The following VRK1 variants were observed in gnomAD, a reference collection of about 807,000 sequenced individuals.
VRK1 encodes serine/threonine-protein kinase VRK1.
A neutral mutation model predicts 57.1 loss-of-function variants in VRK1; 33 were observed. The ratio of observed to expected loss-of-function variants is 0.58; its 90% CI spans 0.44 to 0.77. The LOEUF is 0.77. Ranked by LOEUF, VRK1 falls within the 30% of genes least tolerant of loss-of-function variation. The probability of loss-of-function intolerance (pLI) is 0.00; values close to 1 mark genes in which losing one functional copy is unlikely to be tolerated. For synonymous variants in VRK1, 137 were observed against 147.8 expected (o/e 0.93, Z 0.53); for missense variants, 413 against 477.3 (o/e 0.87, Z 1.25).
Position 96,881,060 on chromosome 14 carries a change from G to A in VRK1, c.1160-117G>A, listed in dbSNP as rs578019548. The stretch of plus-strand genomic sequence containing the variant: ...TGTCAGTTTTATCTTTGCAAATCAC[G>A]AGAGTCGATTTGATTTTAAAATGTT... On this transcript the variant is annotated intron_variant, in intron 12 of 12. Transcript: ENST00000216639. 8 of 901,756 alleles carry A rather than the reference G, an allele frequency of 8.9e-6. 1 individual carries two copies. The highest frequency in any genetic ancestry group is 6.0e-4 in the Middle Eastern group (2 of 3,342). The allele number at this position is 901,756 out of a possible 1,614,324, so 55.9% of individuals were successfully genotyped here.
chr14:96,836,249 C>T (rs535340225), intron 2 of VRK1, among the ~76,000 whole-genome samples: 17 of 152,068 alleles, frequency 1.1e-4, no homozygotes, highest in Non-Finnish European at 2.5e-4. Context: ...ACTGATCTGC[C>T]TGCTTCTGCC....
At chr14:96,860,413 T>C in intron 10 of VRK1, 144 bp from the exon 11 acceptor site, 1 of 748,354 alleles carries the variant, frequency 1.3e-6, no homozygotes, top group Non-Finnish European at 2.1e-6. Flanking sequence ...AAAAGCATAC[T>C]TTTCATTGAA....
intron 11 of VRK1, among the ~76,000 whole-genome samples, chr14:96,872,182 A>T (rs773970589): frequency 3.3e-5 from 5 of 152,012 alleles, no homozygotes; most frequent in Non-Finnish European, 7.4e-5. Flanking sequence ...CTAACTCTCC[A>T]TCTTTTTATT....
At chr14:96,856,496 G>A (rs756538023) in intron 9 of VRK1, 32 bp from the exon 10 acceptor site, 17 of 1,570,130 alleles carry the variant, frequency 1.1e-5, no homozygotes, top group Non-Finnish European at 1.5e-5. Context: ...ATGACATCAA[G>A]CTTCAGTGAC....
rs377476109 is a variant in VRK1, at chr14:96,823,865, A to G, written c.-5-9602A>G. 4.6e-5 allele frequency among the ~76,000 whole-genome samples: 7 copies of G among 152,230 alleles called. No individual in the cohort carries two copies. In the South Asian group the frequency reaches 6.2e-4, roughly 14 times the overall value. ...GTAGTGTGTGTCAGAATTTACTTCT[A>G]TTTTTCAAGGCTGAATAATATTCCA... On this transcript the variant is annotated intron_variant, in intron 1 of 12. Transcript: ENST00000216639.
chr14:96,828,534 A>C (rs1445100823), intron 1 of VRK1, among the ~76,000 whole-genome samples: 1 of 152,146 alleles, frequency 6.6e-6, no homozygotes, highest in Non-Finnish European at 1.5e-5. Flanking sequence ...TAAACTACAG[A>C]CCATTCTTAT....
intron 12 of VRK1, chr14:96,877,422 C>A: frequency 9.0e-7 from 1 of 1,106,716 alleles, no homozygotes; most frequent in Admixed American, 2.3e-5. Context: ...GAAGTAGTCC[C>A]TCTCTTTTTC....
Position 96,846,163 on chromosome 14 carries a change from A to G in VRK1, c.285A>G (p.Gln95=). The part of the protein sequence containing the change: ...KFYQRAAKPE[Q]IQKWIRTRKL... Reference sequence around the variant, plus strand: ...ACCAACGAGCTGCAAAACCAGAGCAAAGTAAGAAATACAGTACACATACGT... The same window carrying G: ...ACCAACGAGCTGCAAAACCAGAGCAGAGTAAGAAATACAGTACACATACGT... The change falls in exon 4 of 13, where the codon CAA becomes CAG. Residue 95 remains glutamine (Q), a splice_region_variant and synonymous_variant. Transcript: ENST00000216639. 6.2e-7 allele frequency: 1 copy of G among 1,613,320 alleles called. No individual in the cohort carries two copies. Among genetic ancestry groups the G allele is most frequent in the Non-Finnish European group, 8.5e-7 (1 of 1,179,460 alleles).
chr14:96,839,084 G>GTTT (rs555020075), intron 3 of VRK1, among the ~76,000 whole-genome samples: 10,262 of 112,186 alleles, frequency 0.091, 596 homozygotes, highest in Non-Finnish European at 0.14. Flanking sequence ...CTTGTCTTGA[G>GTTT]TTTTTTTTTT....
intron 1 of VRK1, among the ~76,000 whole-genome samples, chr14:96,813,165 G>A (rs147331594): frequency 1.9e-4 from 29 of 152,342 alleles, no homozygotes; most frequent in Middle Eastern, 3.4e-3. Flanking sequence ...ATAACTAATG[G>A]TAATACAGTA....
chr14:96,830,635 C>G (rs537023277), intron 1 of VRK1, among the ~76,000 whole-genome samples: 1 of 152,162 alleles, frequency 6.6e-6, no homozygotes, highest in Admixed American at 6.5e-5. Flanking sequence ...ATGTACTTTT[C>G]TAAAGGGATT....
chr14:96,808,397 T>G (rs1247200099), intron 1 of VRK1, among the ~76,000 whole-genome samples: 1 of 152,166 alleles, frequency 6.6e-6, no homozygotes, highest in Non-Finnish European at 1.5e-5. Context: ...CTCCATTGAT[T>G]AAAAAAATTT....
At chr14:96,816,199 G>A (rs1035255904) in intron 1 of VRK1, among the ~76,000 whole-genome samples, 4 of 152,114 alleles carry the variant, frequency 2.6e-5, no homozygotes, top group Admixed American at 6.5e-5. Context: ...AAGCCTCACC[G>A]GTAGGCCATG....
rs1229762260 is a variant in VRK1, at chr14:96,855,271, A to G, written c.624A>G (p.Gly208=). The part of the protein sequence containing the change: ...YGLAYRYCPE[G]VHKEYKEDPK... ...TTGCTTATCGGTACTGCCCAGAAGG[A>G]GTTCATAAAGAATACAAAGAAGACC... The change falls in exon 8 of 13, where the codon GGA becomes GGG. Residue 208 remains glycine (G), a synonymous_variant. Coordinates refer to ENST00000216639, the MANE Select transcript of VRK1 (RefSeq NM_003384.3). The G allele has an allele frequency of 6.2e-7, 1 of 1,614,088 alleles. No homozygotes were observed. The highest frequency in any genetic ancestry group is 1.3e-5 in the African/African-American group (1 of 75,036).
At chr14:96,807,402 A>C (rs1409395152) in intron 1 of VRK1, among the ~76,000 whole-genome samples, 3 of 152,196 alleles carry the variant, frequency 2.0e-5, no homozygotes, top group Non-Finnish European at 2.9e-5. Flanking sequence ...TTCATTAGCT[A>C]TTCCTTACAT....
chr14:96,802,138 T>G (rs956403114), intron 1 of VRK1, among the ~76,000 whole-genome samples: 1 of 152,226 alleles, frequency 6.6e-6, no homozygotes, highest in Non-Finnish European at 1.5e-5. Flanking sequence ...ACTCTAAAAT[T>G]TATCTTTCAT....
intron 3 of VRK1, 119 bp from the exon 4 acceptor site, chr14:96,845,976 T>G: frequency 2.2e-6 from 2 of 904,832 alleles, no homozygotes; most frequent in Non-Finnish European, 3.6e-6. Context: ...AGTTATAAAC[T>G]TAAGTATCAA....
intron 1 of VRK1, among the ~76,000 whole-genome samples, chr14:96,809,431 A>G (rs1195676385): frequency 1.3e-5 from 2 of 152,100 alleles, no homozygotes; most frequent in South Asian, 4.1e-4. Flanking sequence ...ATTATGAACA[A>G]TGTTGCTATA....
intron 3 of VRK1, among the ~76,000 whole-genome samples, chr14:96,840,462 A>G (rs1268669912): frequency 1.3e-5 from 2 of 151,774 alleles, no homozygotes; most frequent in African/African-American, 4.8e-5. Flanking sequence ...TTCATTGTGG[A>G]TTTTTCTTCT....
Sources: gnomAD v4.1 joint callset for allele counts (sites outside exome capture counted in the v4.1 genomes callset) on GRCh38, gnomAD v4.1.1 for gene constraint, MANE v1.5 for transcripts, NCBI Gene and HGNC (gene_info 2026-07-23, HGNC 2026-07-21) for gene names.